VIPR2: variants seen among roughly 807,000 people sequenced by gnomAD.
VIPR2 encodes vasoactive intestinal peptide receptor 2, also known as vasoactive intestinal polypeptide receptor 2.
Under a neutral mutation model 58.0 loss-of-function variants are expected in VIPR2, and 48 were observed. The ratio of observed to expected loss-of-function variants is 0.83; its 90% CI spans 0.66 to 1.05. The LOEUF is 1.05. Ranked by LOEUF, VIPR2 falls within the 50% of genes least tolerant of loss-of-function variation. VIPR2 has a pLI of 0.00. For synonymous variants in VIPR2, 243 were observed against 235.2 expected (o/e 1.03, Z -0.30); for missense variants, 534 against 558.0 (o/e 0.96, Z 0.43).
intron 5 of VIPR2, among the ~76,000 whole-genome samples, chr7:159,053,200 C>T (rs1340773070): frequency 6.6e-6 from 1 of 152,086 alleles, no homozygotes; most frequent in East Asian, 1.9e-4. Flanking sequence ...AATCCTCCTG[C>T]CTTGACCCAA....
intron 5 of VIPR2, among the ~76,000 whole-genome samples, chr7:159,045,518 T>C (rs1234519252): frequency 6.6e-6 from 1 of 152,220 alleles, no homozygotes; most frequent in Non-Finnish European, 1.5e-5. Flanking sequence ...GACAACTAGA[T>C]GTCCATATGT....
At chr7:159,142,671 T>G in intron 1 of VIPR2, 126 bp from the exon 2 acceptor site, 2 of 595,518 alleles carry the variant, frequency 3.4e-6, no homozygotes, top group South Asian at 2.3e-5. Flanking sequence ...AAAATGCATT[T>G]AAAACCAATC....
intron 4 of VIPR2, among the ~76,000 whole-genome samples, chr7:159,061,863 G>C (rs947034699): frequency 6.6e-6 from 1 of 152,102 alleles, no homozygotes; most frequent in African/African-American, 2.4e-5. Context: ...GCTGTGCGGG[G>C]AAGCCAGGCC....
At chr7:159,080,306 G>A (rs1462738495) in intron 4 of VIPR2, among the ~76,000 whole-genome samples, 1 of 152,158 alleles carries the variant, frequency 6.6e-6, no homozygotes, top group Admixed American at 6.5e-5. Flanking sequence ...TGCAAGGCTG[G>A]TTCAACATAC....
chr7:159,043,528 AAACAACAAC>A (rs148868612), intron 5 of VIPR2, among the ~76,000 whole-genome samples: 2 of 152,080 alleles, frequency 1.3e-5, no homozygotes, highest in Non-Finnish European at 2.9e-5. Context: ...ACCATTCAAG[AAACAACAAC>A]AACAACAACA....
intron 6 of VIPR2, among the ~76,000 whole-genome samples, chr7:159,040,157 T>C (rs1363104934): frequency 6.6e-6 from 1 of 152,246 alleles, no homozygotes; most frequent in African/African-American, 2.4e-5. Context: ...AGGCCTCTAC[T>C]GACTTCATTT....
At chr7:159,062,739 C>T (rs1229963129) in intron 4 of VIPR2, among the ~76,000 whole-genome samples, 4 of 152,184 alleles carry the variant, frequency 2.6e-5, no homozygotes, top group Non-Finnish European at 4.4e-5. Flanking sequence ...CATAAGGAGA[C>T]CCAGTGAATT....
At chr7:159,078,299 C>A (rs1024774674) in intron 4 of VIPR2, among the ~76,000 whole-genome samples, 42 of 151,690 alleles carry the variant, frequency 2.8e-4, no homozygotes, top group Admixed American at 2.6e-4. Context: ...TTTTTGTTTC[C>A]ATAGAAATAT....
intron 4 of VIPR2, among the ~76,000 whole-genome samples, chr7:159,070,638 A>G (rs1362351411): frequency 6.6e-6 from 1 of 152,248 alleles, no homozygotes; most frequent in Non-Finnish European, 1.5e-5. Context: ...ACTTCACCAC[A>G]GGAAGTTTGT....
intron 4 of VIPR2, among the ~76,000 whole-genome samples, chr7:159,101,519 G>A (rs1429630618): frequency 5.4e-5 from 7 of 130,218 alleles, no homozygotes; most frequent in African/African-American, 9.3e-5. Context: ...GTAGTGAACG[G>A]GTCTCACGAG....
chr7:159,102,885 T>G (rs1858386591), intron 4 of VIPR2, among the ~76,000 whole-genome samples: 2 of 152,204 alleles, frequency 1.3e-5, no homozygotes, highest in South Asian at 4.1e-4. Context: ...CCTTGCCCTG[T>G]GCAGGGAGCA....
intron 4 of VIPR2, among the ~76,000 whole-genome samples, chr7:159,092,669 G>C (rs1415589344): frequency 1.5e-5 from 1 of 68,670 alleles, no homozygotes; most frequent in Non-Finnish European, 3.0e-5. Context: ...TTTTTTTTTT[G>C]AGACTGAGTC....
intron 4 of VIPR2, among the ~76,000 whole-genome samples, chr7:159,081,910 A>G (rs898521899): frequency 5.3e-5 from 8 of 152,236 alleles, no homozygotes; most frequent in Non-Finnish European, 7.3e-5. Context: ...CAAAACCGCA[A>G]TGAGATACCA....
At position 159,031,396 on chromosome 7, in the gene VIPR2, A is replaced by ACG; in HGVS notation, c.1143+430_1143+431dup. 1.0e-6 allele frequency: 1 copy of ACG among 978,852 alleles called. No homozygotes were observed. The highest frequency in any genetic ancestry group is 4.7e-5 in the South Asian group (1 of 21,152). The allele number at this position is 978,852 out of a possible 1,614,324, so 60.6% of individuals were successfully genotyped here. A position where few individuals can be genotyped will look rare whatever the true frequency, so the allele number is the denominator to read the frequency against. ...AGACAGCCTCCCTGGCTGGGAATGA[A>ACG]CGCAGGGCAGAGCTCGGCTCCGGGC... On this transcript the variant is annotated intron_variant, in intron 12 of 12. Transcript: ENST00000262178. The surrounding 1 kb of genome is among the most constrained non-coding windows in gnomAD (Gnocchi z 4.0).
chr7:159,060,299 T>G (rs1218604791), intron 4 of VIPR2, among the ~76,000 whole-genome samples: 1 of 141,238 alleles, frequency 7.1e-6, no homozygotes, highest in Admixed American at 7.0e-5. Context: ...ACCTCAAGCC[T>G]CATCTAACCC....
chr7:159,095,068 C>T lies in VIPR2; in HGVS notation c.357+8689G>A, dbSNP rs1585478031. On this transcript the variant is annotated intron_variant, in intron 4 of 12. Coordinates refer to ENST00000262178, the MANE Select transcript of VIPR2 (RefSeq NM_003382.5). The surrounding 1 kb of genome is among the most constrained non-coding windows in gnomAD (Gnocchi z 5.2). ...ATGAGAGGGCTGAGGTCTCTGAGGG[C>T]ATCACGGCCACAAAGATGGAGAGGG... Among the ~76,000 whole-genome samples the T allele has an allele frequency of 6.6e-6, 1 of 152,176 alleles. No homozygotes were observed. The highest frequency in any genetic ancestry group is 1.9e-4 in the East Asian group (1 of 5,194).
At chr7:159,059,072 T>C in intron 4 of VIPR2, 1 of 366,820 alleles carries the variant, frequency 2.7e-6, no homozygotes, top group Admixed American at 3.6e-5. Flanking sequence ...TGCAGTATCT[T>C]GGGAATTTTA....
chr7:159,126,975 G>C (rs73730177), intron 2 of VIPR2, among the ~76,000 whole-genome samples: 1,687 of 152,304 alleles, frequency 0.011, 34 homozygotes, highest in African/African-American at 0.038. Context: ...TTGAGGTGGA[G>C]ATTGGCTCCT....
chr7:159,092,753 T>A (rs1424424013), intron 4 of VIPR2, among the ~76,000 whole-genome samples: 2 of 151,558 alleles, frequency 1.3e-5, no homozygotes. Context: ...CGGGTTCGGC[T>A]GTTCTCAGAG....
Sources: gnomAD v4.1 joint callset for allele counts (sites outside exome capture counted in the v4.1 genomes callset) on GRCh38, gnomAD v4.1.1 for gene constraint, Gnocchi (gnomAD v3.1) non-coding constraint, MANE v1.5 for transcripts, NCBI Gene and HGNC (gene_info 2026-07-23, HGNC 2026-07-21) for gene names.